LYPD6: variants seen among roughly 807,000 people sequenced by gnomAD.
The protein encoded by LYPD6 is ly6/PLAUR domain-containing protein 6.
LYPD6 carries 15 observed loss-of-function variants against 22.7 expected under a neutral mutation model. The ratio of observed to expected loss-of-function variants is 0.66; its 90% CI spans 0.44 to 1.02. LYPD6 has a LOEUF of 1.02. Among genes scored for constraint, LYPD6 ranks in the 50% least tolerant of loss-of-function variants. The pLI, the probability that LYPD6 is intolerant of heterozygous loss-of-function variation, is 0.00. For synonymous variants in LYPD6, 72 were observed against 77.5 expected (o/e 0.93, Z 0.37); for missense variants, 189 against 208.4 (o/e 0.91, Z 0.57).
rs58309346 is a variant in LYPD6, at chr2:149,468,132, A to AACACACACACACAC, written c.218-470_218-457dup. 4.8e-3 allele frequency among the ~76,000 whole-genome samples: 556 copies of AACACACACACACAC among 114,698 alleles called. 16 individuals are homozygous for AACACACACACACAC. The highest frequency in any genetic ancestry group is 5.5e-3 in the East Asian group (23 of 4,146). 75.2% of individuals were successfully genotyped at this position (114,698 alleles called of 152,430 possible). ...CTCTTGTGAATAGCTGCTTCCCCCCAACACACACACACACACACACACACA... is the reference window on the plus strand; with the variant it reads ...CTCTTGTGAATAGCTGCTTCCCCCCAACACACACACACACACACACACACACACACACACACACA... On this transcript the variant is annotated intron_variant, in intron 3 of 4. Transcript: ENST00000334166.
At chr2:149,395,604 G>A (rs1682412042) in intron 1 of LYPD6, among the ~76,000 whole-genome samples, 2 of 152,058 alleles carry the variant, frequency 1.3e-5, no homozygotes, top group African/African-American at 4.8e-5. Flanking sequence ...CTAGGAGTAT[G>A]AATATATTAT....
At chr2:149,450,697 AT>A (rs1462195278) in intron 3 of LYPD6, among the ~76,000 whole-genome samples, 2 of 152,218 alleles carry the variant, frequency 1.3e-5, no homozygotes, top group Non-Finnish European at 2.9e-5. Flanking sequence ...TGGAATGAAC[AT>A]TGCTAATGGA....
intron 1 of LYPD6, among the ~76,000 whole-genome samples, chr2:149,352,398 G>A (rs139074056): frequency 6.6e-6 from 1 of 152,144 alleles, no homozygotes; most frequent in African/African-American, 2.4e-5. Flanking sequence ...GGAGAGGACA[G>A]CATGTTCAGG....
rs952217578 is a variant in LYPD6, at chr2:149,468,150, C to T, written c.218-495C>T. Among the ~76,000 whole-genome samples the T allele has an allele frequency of 1.1e-3, 157 of 138,522 alleles. 1 individual carries two copies. The highest frequency in any genetic ancestry group is 4.2e-3 in the African/African-American group (153 of 36,194). The allele number at this position is 138,522 out of a possible 152,430, so 90.9% of individuals were successfully genotyped here. A position where few individuals can be genotyped will look rare whatever the true frequency, so the allele number is the denominator to read the frequency against. On this transcript the variant is annotated intron_variant, in intron 3 of 4. Coordinates refer to ENST00000334166, the MANE Select transcript of LYPD6 (RefSeq NM_194317.5). ...TCCCCCCAACACACACACACACACACACACACACACACACACACACACACA... is the reference window on the plus strand; with the variant it reads ...TCCCCCCAACACACACACACACACATACACACACACACACACACACACACA...
chr2:149,403,300 C>G (rs1457468853), intron 1 of LYPD6, among the ~76,000 whole-genome samples: 2 of 150,330 alleles, frequency 1.3e-5, no homozygotes, highest in Non-Finnish European at 3.0e-5. Context: ...CCTGAGGAAT[C>G]GCCACACTGA....
In LYPD6 at chr2:149,419,664, C is replaced by T. The variant is rs934806602; in HGVS notation, c.-71-17974C>T. Among the ~76,000 whole-genome samples the T allele has an allele frequency of 7.9e-5, 12 of 152,180 alleles. No individual in the cohort carries two copies. The South Asian group carries it at 8.3e-4, about 11-fold the overall frequency. On this transcript the variant is annotated intron_variant, in intron 1 of 4. Coordinates refer to ENST00000334166, the MANE Select transcript of LYPD6 (RefSeq NM_194317.5). ...CTGTAGCATTTATCCTCACTACCTGCGTGCTCTCATGCACAGACAAGCTGG... is the reference window on the plus strand; with the variant it reads ...CTGTAGCATTTATCCTCACTACCTGTGTGCTCTCATGCACAGACAAGCTGG...
At chr2:149,422,836 A>G (rs1288035679) in intron 1 of LYPD6, among the ~76,000 whole-genome samples, 1 of 152,094 alleles carries the variant, frequency 6.6e-6, no homozygotes. Flanking sequence ...TCCTACATAT[A>G]GTGAGATCAT....
chr2:149,465,139 C>A (rs1681173513), intron 3 of LYPD6, among the ~76,000 whole-genome samples: 1 of 152,142 alleles, frequency 6.6e-6, no homozygotes. Flanking sequence ...TATCGACTTT[C>A]ATATTAGGGA....
At chr2:149,419,416 A>G (rs1683031008) in intron 1 of LYPD6, among the ~76,000 whole-genome samples, 1 of 152,244 alleles carries the variant, frequency 6.6e-6, no homozygotes, top group Admixed American at 6.5e-5. Flanking sequence ...TCATTAATTA[A>G]GAACTCTACT....
the LYPD6 span, among the ~76,000 whole-genome samples, chr2:149,479,967 A>G: frequency 2.0e-5 from 3 of 150,336 alleles, no homozygotes; most frequent in Non-Finnish European, 4.4e-5. Flanking sequence ...CACCTGTTAC[A>G]TGCCCTTTGA....
chr2:149,436,537 A>T (rs1573806644), intron 1 of LYPD6, among the ~76,000 whole-genome samples: 2 of 152,164 alleles, frequency 1.3e-5, no homozygotes, highest in East Asian at 3.8e-4. Context: ...GACACAGTAG[A>T]TAGTAATCAC....
At chr2:149,402,105 G>T (rs56351138) in intron 1 of LYPD6, among the ~76,000 whole-genome samples, 2 of 151,358 alleles carry the variant, frequency 1.3e-5, no homozygotes, top group African/African-American at 4.9e-5. Flanking sequence ...AAACCTGCAC[G>T]TTCTGCACGT....
chr2:149,459,987 A>C (rs1166448485), intron 3 of LYPD6, among the ~76,000 whole-genome samples: 2 of 152,176 alleles, frequency 1.3e-5, no homozygotes, highest in African/African-American at 4.8e-5. Context: ...TTTAATTGGT[A>C]AAATTATGAT....
rs188335186 is a variant in LYPD6, at chr2:149,423,908, T to C, written c.-71-13730T>C. Reference sequence around the variant, plus strand: ...GTATTCTGACTCTTAATGCACAGTATTTCCCATGGATGCCTCTGAGTAAGC... The same window carrying C: ...GTATTCTGACTCTTAATGCACAGTACTTCCCATGGATGCCTCTGAGTAAGC... On this transcript the variant is annotated intron_variant, in intron 1 of 4. Transcript: ENST00000334166. Among the ~76,000 whole-genome samples the C allele has an allele frequency of 3.3e-5, 5 of 152,266 alleles. No homozygotes were observed. In the East Asian group the frequency reaches 9.7e-4, roughly 29 times the overall value.
chr2:149,361,558 C>A (rs1206179972), intron 1 of LYPD6, among the ~76,000 whole-genome samples: 6 of 152,140 alleles, frequency 3.9e-5, no homozygotes, highest in Admixed American at 6.6e-5. Flanking sequence ...ACAGATGGAT[C>A]CTCTGTTACC....
intron 3 of LYPD6, among the ~76,000 whole-genome samples, chr2:149,454,545 G>A (rs1226810177): frequency 6.6e-6 from 1 of 152,068 alleles, no homozygotes; most frequent in Admixed American, 6.6e-5. Context: ...TTAATACTAT[G>A]AACATTCTTC....
At chr2:149,414,732 G>T (rs917084620) in intron 1 of LYPD6, among the ~76,000 whole-genome samples, 1 of 152,076 alleles carries the variant, frequency 6.6e-6, no homozygotes, top group African/African-American at 2.4e-5. Context: ...GTAGTACCCT[G>T]GGGTTATGAA....
chr2:149,425,389 A>G (rs1328663920), intron 1 of LYPD6, among the ~76,000 whole-genome samples: 2 of 152,348 alleles, frequency 1.3e-5, no homozygotes, highest in African/African-American at 4.8e-5. Context: ...AATAATGTAT[A>G]TAACAGATAC....
At chr2:149,464,028 G>A in intron 3 of LYPD6, 6 of 362,712 alleles carry the variant, frequency 1.7e-5, no homozygotes, top group South Asian at 1.3e-4. Context: ...GGGAAACTAG[G>A]TAAAAGGTGT....
Sources: gnomAD v4.1 joint callset for allele counts (sites outside exome capture counted in the v4.1 genomes callset) on GRCh38, gnomAD v4.1.1 for gene constraint, MANE v1.5 for transcripts, NCBI Gene and HGNC (gene_info 2026-07-23, HGNC 2026-07-21) for gene names.